Variants in MAP2 observed in about 807,000 individuals in gnomAD.
The protein encoded by MAP2 is microtubule associated protein 2, also known as microtubule-associated protein 2.
In MAP2, 14 loss-of-function variants were observed where a neutral mutation model predicts 137.6. The observed-to-expected ratio is 0.10, with a 90% CI of 0.07 to 0.16. MAP2 has a LOEUF of 0.16. Among genes scored for constraint, MAP2 ranks in the 10% least tolerant of loss-of-function variants. MAP2 has a pLI of 1.00. For synonymous variants in MAP2, 786 were observed against 782.3 expected (o/e 1.00, Z -0.08); for missense variants, 2,088 against 2,191.5 (o/e 0.95, Z 0.94).
At chr2:209,427,808 G>A (rs1056374531) in intron 1 of MAP2, among the ~76,000 whole-genome samples, 1 of 152,106 alleles carries the variant, frequency 6.6e-6, no homozygotes, top group Non-Finnish European at 1.5e-5. Flanking sequence ...CCAAAGTCAA[G>A]GGAGACAGTC....
At chr2:209,681,572 G>A (rs991534264) in intron 7 of MAP2, among the ~76,000 whole-genome samples, 3 of 152,168 alleles carry the variant, frequency 2.0e-5, no homozygotes, top group Non-Finnish European at 4.4e-5. Context: ...CTGGTTCTCC[G>A]ACTTAGTCCA....
At chr2:209,559,769 C>T (rs2071571364) in intron 2 of MAP2, among the ~76,000 whole-genome samples, 1 of 151,886 alleles carries the variant, frequency 6.6e-6, no homozygotes. Context: ...TCTGGTGCAA[C>T]AAGATGTCCA....
intron 1 of MAP2, among the ~76,000 whole-genome samples, chr2:209,467,854 AT>A: frequency 6.6e-6 from 1 of 152,288 alleles, no homozygotes; most frequent in East Asian, 1.9e-4. Context: ...AATAGGGACA[AT>A]AATGGTACCT....
At chr2:209,541,672 A>G (rs1577615491) in intron 2 of MAP2, among the ~76,000 whole-genome samples, 1 of 152,340 alleles carries the variant, frequency 6.6e-6, no homozygotes, top group East Asian at 1.9e-4. Context: ...CATCTTTACC[A>G]GGAGTAGATT....
intron 1 of MAP2, among the ~76,000 whole-genome samples, chr2:209,476,026 G>T (rs1707124455): frequency 1.3e-5 from 2 of 151,926 alleles, no homozygotes; most frequent in African/African-American, 4.8e-5. Context: ...ATTTTAGATT[G>T]AATGTATTTT....
At chr2:209,446,600 T>C (rs769481321) in intron 1 of MAP2, among the ~76,000 whole-genome samples, 34 of 151,856 alleles carry the variant, frequency 2.2e-4, no homozygotes, top group Non-Finnish European at 4.7e-4. Context: ...GGAAAAAAAT[T>C]TATGGTAATA....
intron 2 of MAP2, among the ~76,000 whole-genome samples, chr2:209,543,124 G>A (rs1433635735): frequency 6.6e-6 from 1 of 152,176 alleles, no homozygotes; most frequent in Non-Finnish European, 1.5e-5. Context: ...TCATGGTAGA[G>A]TTATAAATTG....
intron 1 of MAP2, among the ~76,000 whole-genome samples, chr2:209,480,201 GTCTT>G (rs1257739253): frequency 6.6e-6 from 1 of 152,112 alleles, no homozygotes; most frequent in Non-Finnish European, 1.5e-5. Flanking sequence ...AAGGATGAGG[GTCTT>G]TCTTAGGAGA....
chr2:209,489,625 C>G (rs1026070140), intron 1 of MAP2, among the ~76,000 whole-genome samples: 1 of 152,074 alleles, frequency 6.6e-6, no homozygotes, highest in African/African-American at 2.4e-5. Context: ...AAAAACACAG[C>G]ACGAGAACTT....
chr2:209,547,469 G>C (rs543826917), intron 2 of MAP2, among the ~76,000 whole-genome samples: 1 of 151,932 alleles, frequency 6.6e-6, no homozygotes, highest in African/African-American at 2.4e-5. Context: ...AGACATTTAC[G>C]TTACAGCAAA....
chr2:209,651,222 T>C (rs909837557), intron 4 of MAP2, among the ~76,000 whole-genome samples: 1 of 152,134 alleles, frequency 6.6e-6, no homozygotes, highest in African/African-American at 2.4e-5. Context: ...ATGTAGCTAA[T>C]TTTTCAATGT....
At chr2:209,714,638 A>G (rs530074184) in intron 13 of MAP2, among the ~76,000 whole-genome samples, 1 of 152,356 alleles carries the variant, frequency 6.6e-6, no homozygotes, top group African/African-American at 2.4e-5. Context: ...TCTAGAAATA[A>G]AGCAATCTTA....
At position 209,690,773 on chromosome 2, in the gene MAP2, G is replaced by T. The variant is rs2058620041; in HGVS notation, c.455-1852G>T. 2.3e-6 allele frequency: 3 copies of T among 1,289,760 alleles called. No homozygotes were observed. In the African/African-American group the frequency reaches 4.5e-5, roughly 20 times the overall value. 79.9% of individuals were successfully genotyped at this position (1,289,760 alleles called of 1,614,324 possible). ...TCCCGAAGAGAGTGCCCCAGCAGGG[G>T]CCCCACATGAGAAAAGTGTAAAAGA... On this transcript the variant is annotated intron_variant, in intron 7 of 15. Transcript: ENST00000682079.
intron 13 of MAP2, among the ~76,000 whole-genome samples, chr2:209,721,621 A>G (rs983537811): frequency 6.6e-6 from 1 of 152,218 alleles, no homozygotes; most frequent in African/African-American, 2.4e-5. Flanking sequence ...TGGAAATCAT[A>G]AAAATGATCA....
chr2:209,649,075 C>A (rs1204392829), intron 4 of MAP2, among the ~76,000 whole-genome samples: 1 of 152,036 alleles, frequency 6.6e-6, no homozygotes, highest in East Asian at 1.9e-4. Flanking sequence ...TTCTCTGTCA[C>A]CCAGGTTGAG....
intron 4 of MAP2, among the ~76,000 whole-genome samples, chr2:209,639,583 C>T (rs558614813): frequency 1.3e-3 from 192 of 152,168 alleles, no homozygotes; most frequent in Non-Finnish European, 2.3e-3. Context: ...AAACCAAGCT[C>T]GAGTGTACCA....
chr2:209,428,877 C>T (rs1693331301), intron 1 of MAP2, among the ~76,000 whole-genome samples: 2 of 151,868 alleles, frequency 1.3e-5, no homozygotes, highest in African/African-American at 2.4e-5. Context: ...GGTAATTGCT[C>T]GCCTCAATGT....
chr2:209,434,530 T>C (rs890488152), intron 1 of MAP2, among the ~76,000 whole-genome samples: 8 of 151,834 alleles, frequency 5.3e-5, no homozygotes, highest in Admixed American at 2.6e-4. Context: ...TCTTCCAGAC[T>C]TGCAGTTACT....
chr2:209,562,274 A>G (rs1274300153), intron 2 of MAP2, among the ~76,000 whole-genome samples: 2 of 152,170 alleles, frequency 1.3e-5, no homozygotes, highest in African/African-American at 4.8e-5. Context: ...GCACTACAAT[A>G]TTACTAATTT....
Sources: gnomAD v4.1 joint callset for allele counts (sites outside exome capture counted in the v4.1 genomes callset) on GRCh38, gnomAD v4.1.1 for gene constraint, MANE v1.5 for transcripts, NCBI Gene and HGNC (gene_info 2026-07-23, HGNC 2026-07-21) for gene names.